RBFOX1: variants seen among roughly 807,000 people sequenced by gnomAD.
RBFOX1 encodes RNA binding fox-1 homolog 1, also known as RNA binding protein fox-1 homolog 1.
In RBFOX1, 8 loss-of-function variants were observed where a neutral mutation model predicts 57.7. That is an observed-to-expected ratio of 0.14 (90% CI 0.08 to 0.25). The LOEUF (loss-of-function observed/expected upper bound fraction) is 0.25. RBFOX1 is among the 10% of genes least tolerant of loss of function. The probability of loss-of-function intolerance (pLI) is 1.00; values close to 1 mark genes in which losing one functional copy is unlikely to be tolerated. For synonymous variants in RBFOX1, 326 were observed against 222.4 expected, an observed-to-expected ratio of 1.47 and a Z score of -4.15; for missense variants, 611 against 548.5, an observed-to-expected ratio of 1.11 and a Z score of -1.14.
intron 4 of RBFOX1, among the ~76,000 whole-genome samples, chr16:7,086,481 T>A (rs557751036): frequency 2.1e-3 from 327 of 152,272 alleles, no homozygotes; most frequent in Non-Finnish European, 3.4e-3. Context: ...TCATTCATGA[T>A]GTGTTTCAGT....
chr16:6,924,985 G>T (rs556336962), intron 3 of RBFOX1, among the ~76,000 whole-genome samples: 8 of 150,994 alleles, frequency 5.3e-5, no homozygotes, highest in Non-Finnish European at 1.0e-4. Context: ...ATGGTTTCCA[G>T]TTTCATCCAT....
chr16:6,101,187 T>C (rs1224774171), intron 1 of RBFOX1, among the ~76,000 whole-genome samples: 1 of 152,174 alleles, frequency 6.6e-6, no homozygotes, highest in African/African-American at 2.4e-5. Flanking sequence ...TATGAGAACA[T>C]CTAAAGGCTG....
chr16:7,428,494 T>TTTA (rs71147697), intron 4 of RBFOX1, among the ~76,000 whole-genome samples: 38,067 of 128,434 alleles, frequency 0.3, 5,830 homozygotes, highest in Middle Eastern at 0.35. Flanking sequence ...TCCTGGCTAT[T>TTTA]TTATTATTAT....
intron 4 of RBFOX1, among the ~76,000 whole-genome samples, chr16:7,079,639 T>C (rs1470064557): frequency 1.3e-5 from 2 of 152,128 alleles, no homozygotes; most frequent in Non-Finnish European, 2.9e-5. Context: ...TGCGTTATGA[T>C]GGAGAGACAG....
At chr16:5,475,146 G>T (rs1252125047) in intron 2 of RBFOX1, among the ~76,000 whole-genome samples, 1 of 152,148 alleles carries the variant, frequency 6.6e-6, no homozygotes, top group Non-Finnish European at 1.5e-5. Context: ...GAGGAATTTA[G>T]TGCAAATATA....
intron 3 of RBFOX1, among the ~76,000 whole-genome samples, chr16:6,992,704 A>G (rs2153614087): frequency 6.6e-6 from 1 of 152,170 alleles, no homozygotes; most frequent in Non-Finnish European, 1.5e-5. Context: ...GAAACCAGCT[A>G]ATGATTTTAG....
chr16:5,864,081 T>G (rs2057289151), intron 3 of RBFOX1, among the ~76,000 whole-genome samples: 1 of 152,138 alleles, frequency 6.6e-6, no homozygotes, highest in Non-Finnish European at 1.5e-5. Context: ...AAGGCCCCAT[T>G]GTGTATTGTT....
intron 4 of RBFOX1, among the ~76,000 whole-genome samples, chr16:5,971,267 C>T (rs768593911): frequency 6.6e-6 from 1 of 152,176 alleles, no homozygotes; most frequent in South Asian, 2.1e-4. Flanking sequence ...TGAGCCAAAT[C>T]AGTTTAGGCT....
chr16:5,739,640 A>C (rs896687359), intron 3 of RBFOX1, among the ~76,000 whole-genome samples: 1 of 152,238 alleles, frequency 6.6e-6, no homozygotes, highest in African/African-American at 2.4e-5. Flanking sequence ...GATGTTTAAA[A>C]AAACTTACGC....
chr16:5,537,636 A>G (rs1335337552), intron 2 of RBFOX1, among the ~76,000 whole-genome samples: 2 of 152,202 alleles, frequency 1.3e-5, no homozygotes, highest in South Asian at 2.1e-4. Context: ...AGCCTGGAGT[A>G]GCCATTATAG....
intron 2 of RBFOX1, among the ~76,000 whole-genome samples, chr16:6,509,511 G>T (rs1355332068): frequency 6.6e-6 from 1 of 152,150 alleles, no homozygotes; most frequent in Non-Finnish European, 1.5e-5. Context: ...GAGACAGAAA[G>T]TAGAAGGATG....
At chr16:5,462,579 T>C in intron 1 of RBFOX1, among the ~76,000 whole-genome samples, 1 of 152,216 alleles carries the variant, frequency 6.6e-6, no homozygotes. Flanking sequence ...CTTTGTACAT[T>C]GTGATAGTTT....
At chr16:5,490,619 G>A (rs986942235) in intron 2 of RBFOX1, among the ~76,000 whole-genome samples, 1 of 152,174 alleles carries the variant, frequency 6.6e-6, no homozygotes, top group African/African-American at 2.4e-5. Context: ...GCCCAGCCCT[G>A]CCTTGGTTCC....
intron 1 of RBFOX1, among the ~76,000 whole-genome samples, chr16:6,147,091 G>A (rs1016588507): frequency 2.6e-5 from 4 of 152,044 alleles, no homozygotes; most frequent in East Asian, 1.9e-4. Flanking sequence ...TTCCACCCAC[G>A]GAATCAGAAT....
intron 3 of RBFOX1, among the ~76,000 whole-genome samples, chr16:6,867,451 G>T (rs1236783568): frequency 6.6e-6 from 1 of 151,878 alleles, no homozygotes; most frequent in Non-Finnish European, 1.5e-5. Context: ...GGGTGTGGGG[G>T]CTCACTCATG....
At chr16:6,169,939 A>G (rs960910429) in intron 1 of RBFOX1, among the ~76,000 whole-genome samples, 50 of 150,862 alleles carry the variant, frequency 3.3e-4, no homozygotes, top group African/African-American at 1.2e-3. Flanking sequence ...TAGTTTTTGT[A>G]TTTTTTTTTA....
chr16:6,867,023 A>AAAAAACTT (rs2060058531), intron 3 of RBFOX1, among the ~76,000 whole-genome samples: 2 of 151,498 alleles, frequency 1.3e-5, no homozygotes, highest in Admixed American at 6.6e-5. Context: ...CTTTAAAAAA[A>AAAAAACTT]AAAAAAAAAA....
intron 3 of RBFOX1, among the ~76,000 whole-genome samples, chr16:6,982,484 G>A (rs548783728): frequency 1.1e-4 from 17 of 152,108 alleles, no homozygotes; most frequent in Admixed American, 4.6e-4. Context: ...CATGAGAGTC[G>A]TTGACGAGGT....
intron 1 of RBFOX1, among the ~76,000 whole-genome samples, chr16:6,240,276 G>C (rs2097533314): frequency 6.6e-6 from 1 of 152,062 alleles, no homozygotes; most frequent in Admixed American, 6.6e-5. Context: ...TTTCTTTATA[G>C]CAGTGCAAGA....
Sources: gnomAD v4.1 joint callset for allele counts (sites outside exome capture counted in the v4.1 genomes callset) on GRCh38, gnomAD v4.1.1 for gene constraint, MANE v1.5 for transcripts, NCBI Gene and HGNC (gene_info 2026-07-23, HGNC 2026-07-21) for gene names.